The following RPH3A variants were observed in gnomAD, a reference collection of about 807,000 sequenced individuals.
RPH3A encodes rabphilin-3A.
RPH3A carries 48 observed loss-of-function variants against 102.2 expected under a neutral mutation model. The ratio of observed to expected loss-of-function variants is 0.47; its 90% confidence interval spans 0.37 to 0.60. RPH3A has a LOEUF of 0.60. Ranked by LOEUF, RPH3A falls within the 20% of genes least tolerant of loss-of-function variation. The pLI, the probability that RPH3A is intolerant of heterozygous loss-of-function variation, is 0.00. For synonymous variants in RPH3A, 310 were observed against 324.3 expected (o/e 0.96, Z 0.47); for missense variants, 781 against 910.1 (o/e 0.86, Z 1.83).
chr12:112,692,692 T>C (rs1366824132), intron 1 of RPH3A, among the ~76,000 whole-genome samples: 1 of 152,172 alleles, frequency 6.6e-6, no homozygotes, highest in Non-Finnish European at 1.5e-5. Flanking sequence ...TGAATCTGCA[T>C]TGGGAGGGAA....
chr12:112,883,233 G>T, intron 15 of RPH3A, 60 bp from the exon 16 acceptor site: 1 of 1,378,134 alleles, frequency 7.3e-7, no homozygotes, highest in Non-Finnish European at 1.0e-6. Context: ...CAAACGATGG[G>T]GTTCCAGGAC....
chr12:112,881,057 G>A (rs143646361), intron 14 of RPH3A, among the ~76,000 whole-genome samples: 9 of 152,248 alleles, frequency 5.9e-5, no homozygotes, highest in East Asian at 1.9e-4. Context: ...GTTCACACCC[G>A]TGTTGTTCAC....
At chr12:112,626,650 G>A (rs2135983440) in intron 1 of RPH3A, among the ~76,000 whole-genome samples, 1 of 144,086 alleles carries the variant, frequency 6.9e-6, no homozygotes, top group South Asian at 2.3e-4. Flanking sequence ...AGTCAGTGTG[G>A]CGATTCCTCA....
chr12:112,717,840 T>A (rs1342574991), intron 1 of RPH3A, among the ~76,000 whole-genome samples: 1 of 152,172 alleles, frequency 6.6e-6, no homozygotes. Context: ...GTGTACCATT[T>A]GTATTTCCCC....
At chr12:112,680,695 C>T (rs1020353853) in intron 1 of RPH3A, among the ~76,000 whole-genome samples, 1 of 152,312 alleles carries the variant, frequency 6.6e-6, no homozygotes, top group Non-Finnish European at 1.5e-5. Context: ...CCAAAGAAGA[C>T]ATAAACCTTG....
chr12:112,592,444 A>G (rs1368526671), intron 1 of RPH3A, among the ~76,000 whole-genome samples: 4 of 151,918 alleles, frequency 2.6e-5, no homozygotes, highest in African/African-American at 9.7e-5. Flanking sequence ...TCAGCTTCCC[A>G]AGTAGCTGGG....
chr12:112,671,731 T>G (rs1444912311), intron 1 of RPH3A, among the ~76,000 whole-genome samples: 2 of 152,102 alleles, frequency 1.3e-5, no homozygotes, highest in Non-Finnish European at 2.9e-5. Context: ...GCATGGGAAT[T>G]AGAGGCACTA....
At chr12:112,797,981 A>G (rs2041266812) in intron 2 of RPH3A, among the ~76,000 whole-genome samples, 1 of 152,164 alleles carries the variant, frequency 6.6e-6, no homozygotes, top group Non-Finnish European at 1.5e-5. Context: ...GAGCCACTGC[A>G]CCCAGCCAAA....
intron 7 of RPH3A, 66 bp from the exon 8 acceptor site, chr12:112,868,364 A>C: frequency 6.6e-7 from 1 of 1,522,970 alleles, no homozygotes; most frequent in Non-Finnish European, 9.0e-7. Context: ...AAAAATGGGC[A>C]CTCATGAAGG....
At chr12:112,719,576 G>C (rs919764887) in intron 1 of RPH3A, among the ~76,000 whole-genome samples, 1 of 152,116 alleles carries the variant, frequency 6.6e-6, no homozygotes, top group Non-Finnish European at 1.5e-5. Context: ...TGAGGGCAGG[G>C]ACCATATCTA....
intron 2 of RPH3A, among the ~76,000 whole-genome samples, chr12:112,809,515 C>T (rs2041531526): frequency 6.6e-6 from 1 of 152,138 alleles, no homozygotes; most frequent in African/African-American, 2.4e-5. Flanking sequence ...CTGTCGTTGG[C>T]AATGAGGACT....
At chr12:112,668,262 A>AAATC (rs2040101537) in intron 1 of RPH3A, among the ~76,000 whole-genome samples, 1 of 152,190 alleles carries the variant, frequency 6.6e-6, no homozygotes, top group South Asian at 2.1e-4. Context: ...TGAAATAAAT[A>AAATC]AATCAAATTT....
Position 112,865,506 on chromosome 12 carries a change from T to A in RPH3A, c.323T>A (p.Leu108Gln). 1 of 1,614,030 alleles carries A rather than the reference T, an allele frequency of 6.2e-7. No homozygotes were observed. Among genetic ancestry groups the A allele is most frequent in the Non-Finnish European group, 8.5e-7 (1 of 1,180,000 alleles). Reference sequence around the variant, plus strand: ...CTGTGTGGAGAACAGCTGGGGATGCTGGGCTCTGCCTGTGTAGTATGTGAG... The same window carrying A: ...CTGTGTGGAGAACAGCTGGGGATGCAGGGCTCTGCCTGTGTAGTATGTGAG... Reference protein sequence around the residue: ...CILCGEQLGMLGSACVVCEDC... With the variant: ...CILCGEQLGMQGSACVVCEDC... Residue 108 changes from leucine to glutamine, a missense_variant, in exon 6 of 22, where the codon CTG becomes CAG. Leu to Gln is a moderately radical substitution (Grantham distance 113). Around this residue, in one of 2 missense-constraint regions of RPH3A, gnomAD observed 730 missense variants for 810.0 expected, o/e 0.90. Transcript: ENST00000389385.
intron 10 of RPH3A, among the ~76,000 whole-genome samples, chr12:112,870,782 C>T (rs904418027): frequency 2.0e-5 from 3 of 152,114 alleles, no homozygotes; most frequent in African/African-American, 4.8e-5. Context: ...GAGCTGGGCA[C>T]GTACCTTGTG....
At chr12:112,837,857 C>CCCCTCCTT in intron 4 of RPH3A, 1 of 452,362 alleles carries the variant, frequency 2.2e-6, no homozygotes, top group South Asian at 1.6e-5. Flanking sequence ...CCAGGCTCCT[C>CCCCTCCTT]CCCTCCTTCC....
chr12:112,845,708 T>A (rs567224509), intron 4 of RPH3A, among the ~76,000 whole-genome samples: 1 of 152,306 alleles, frequency 6.6e-6, no homozygotes, highest in Admixed American at 6.5e-5. Context: ...GTACTTGCTG[T>A]CAGAGAATGA....
At chr12:112,734,970 C>A (rs2136050963) in intron 1 of RPH3A, among the ~76,000 whole-genome samples, 1 of 152,300 alleles carries the variant, frequency 6.6e-6, no homozygotes, top group East Asian at 1.9e-4. Context: ...CCTCCTATCT[C>A]ATCCTGTGAC....
At chr12:112,716,748 G>A (rs1387229813) in intron 1 of RPH3A, among the ~76,000 whole-genome samples, 3 of 152,200 alleles carry the variant, frequency 2.0e-5, no homozygotes, top group Non-Finnish European at 2.9e-5. Context: ...ATTGAATAGG[G>A]GAGGAAAGAT....
At chr12:112,866,686 T>TG in intron 6 of RPH3A, 71 bp from the exon 7 acceptor site, 1 of 1,256,054 alleles carries the variant, frequency 8.0e-7, no homozygotes. Context: ...CAAGAGAAAG[T>TG]GGGGGGCTAC....
Sources: allele counts gnomAD v4.1 joint callset (sites outside exome capture counted in the v4.1 genomes callset), GRCh38; gene constraint gnomAD v4.1.1; regional missense constraint gnomAD v4.1.1; transcripts MANE v1.5; gene names NCBI Gene and HGNC (gene_info 2026-07-23, HGNC 2026-07-21).